Variants in SDE2 observed in about 807,000 individuals in gnomAD.
The protein encoded by SDE2 is spliceosome associated SDE2.
SDE2 carries 31 observed loss-of-function variants against 46.9 expected under a neutral mutation model. That is an observed-to-expected ratio of 0.66 (90% CI 0.50 to 0.89). SDE2 has a LOEUF of 0.89. Ranked by LOEUF, SDE2 falls within the 40% of genes least tolerant of loss-of-function variation. The pLI is 0.00. For synonymous variants in SDE2, 205 were observed against 204.3 expected, an observed-to-expected ratio of 1.00 and a Z score of -0.03; for missense variants, 542 against 564.4, an observed-to-expected ratio of 0.96 and a Z score of 0.40.
chr1:225,999,117 G>A (rs1178582115), intron 1 of SDE2, 76 bp downstream of exon 1: 5 of 1,211,424 alleles, frequency 4.1e-6, no homozygotes, highest in African/African-American at 1.5e-5. Flanking sequence ...CCCCCGCCCC[G>A]GACAGACCTA....
intron 2 of SDE2, among the ~76,000 whole-genome samples, chr1:225,993,567 G>A (rs1028756874): frequency 2.6e-5 from 4 of 151,560 alleles, no homozygotes; most frequent in Admixed American, 2.0e-4. Context: ...AGCTGAGCTC[G>A]TGCCACTGCA....
At position 225,984,518 on chromosome 1, in the gene SDE2, G is replaced by C. The variant is rs1576172248; in HGVS notation, c.*784C>G. On this transcript the variant is annotated 3_prime_UTR_variant, in exon 7 of 7. Transcript: ENST00000272091. ...AAAACCAAAGGTTGGTTCTTTAAAA[G>C]TTATATCGTCGGCCAGGCACGGTGG... The C allele has an allele frequency of 6.6e-6, 1 of 151,908 alleles. No homozygotes were observed. The highest frequency in any genetic ancestry group is 3.4e-3 in the Middle Eastern group (1 of 290). 9.4% of individuals were successfully genotyped at this position (151,908 alleles called of 1,614,324 possible). A position where few individuals can be genotyped will look rare whatever the true frequency, so the allele number is the denominator to read the frequency against.
chr1:225,995,920 A>G (rs1189778872), intron 1 of SDE2, among the ~76,000 whole-genome samples: 1 of 152,186 alleles, frequency 6.6e-6, no homozygotes, highest in Non-Finnish European at 1.5e-5. Flanking sequence ...ATAGCCTAAG[A>G]TGCTGGGCAG....
chr1:225,985,729 A>G (rs1426726553), intron 6 of SDE2, among the ~76,000 whole-genome samples: 1 of 152,188 alleles, frequency 6.6e-6, no homozygotes, highest in Non-Finnish European at 1.5e-5. Flanking sequence ...ATTTAGAAAC[A>G]AGCATTCAGA....
At position 225,999,341 on chromosome 1, in the gene SDE2, T is replaced by A. The variant is rs1359261470; in HGVS notation, c.-29A>T. 3.1e-6 allele frequency: 5 copies of A among 1,595,440 alleles called. No individual in the cohort carries two copies. Among genetic ancestry groups the A allele is most frequent in the South Asian group, 1.1e-5 (1 of 89,496 alleles). ...ACCGACTACCCGAACCTCAAGCCTCTCTGAGACACCAGGCGCCGCAACTCG... is the reference window on the plus strand; with the variant it reads ...ACCGACTACCCGAACCTCAAGCCTCACTGAGACACCAGGCGCCGCAACTCG... On this transcript the variant is annotated 5_prime_UTR_variant, in exon 1 of 7. Transcript: ENST00000272091.
chr1:225,999,115 C>A, intron 1 of SDE2, 78 bp downstream of exon 1: 1 of 1,204,038 alleles, frequency 8.3e-7, no homozygotes, highest in Non-Finnish European at 1.2e-6. Flanking sequence ...TACCCCCGCC[C>A]CGGACAGACC....
intron 1 of SDE2, among the ~76,000 whole-genome samples, chr1:225,997,748 A>G (rs1656561754): frequency 6.6e-6 from 1 of 152,128 alleles, no homozygotes; most frequent in South Asian, 2.1e-4. Flanking sequence ...CTTGCTTCCG[A>G]TTTAAAAATT....
chr1:225,994,808 T>A (rs1656485488), intron 2 of SDE2, among the ~76,000 whole-genome samples: 1 of 152,290 alleles, frequency 6.6e-6, no homozygotes, highest in South Asian at 2.1e-4. Context: ...AAGTGGGAAT[T>A]GTATCACACA....
chr1:225,998,141 G>C (rs114770505), intron 1 of SDE2, among the ~76,000 whole-genome samples: 1 of 151,968 alleles, frequency 6.6e-6, no homozygotes, highest in African/African-American at 2.4e-5. Context: ...GTGGGGGAGG[G>C]GGAGAAAAGA....
chr1:225,996,631 G>A (rs942217650), intron 1 of SDE2, among the ~76,000 whole-genome samples: 1 of 152,158 alleles, frequency 6.6e-6, no homozygotes, highest in Non-Finnish European at 1.5e-5. Flanking sequence ...ACCAGCCTAA[G>A]GCTATCAGAG....
chr1:225,992,842 G>GA (rs1377107286), intron 3 of SDE2, 49 bp downstream of exon 3: 1 of 1,045,574 alleles, frequency 9.6e-7, no homozygotes, highest in Non-Finnish European at 1.5e-6. Context: ...CTACTAATAG[G>GA]AAAGTATATG....
intron 5 of SDE2, 120 bp downstream of exon 5, chr1:225,991,123 G>A (rs1004070480): frequency 2.2e-6 from 2 of 905,886 alleles, no homozygotes; most frequent in African/African-American, 3.3e-5. Flanking sequence ...GAAGCACTCT[G>A]GAAATTTTCT....
In SDE2 at chr1:225,982,898, T is replaced by C. The variant is rs1160806673; in HGVS notation, c.*2404A>G. 1.3e-5 allele frequency: 2 copies of C among 152,192 alleles called. No homozygotes were observed. Among genetic ancestry groups the C allele is most frequent in the Non-Finnish European group, 2.9e-5 (2 of 68,042 alleles). 9.4% of individuals were successfully genotyped at this position (152,192 alleles called of 1,614,324 possible). ...ATACTTACAAGATTTCTACATTTTA[T>C]GTGAAGTGGCACATCAACTCTAGGT... is the stretch of plus-strand genomic sequence containing the variant. On this transcript the variant is annotated 3_prime_UTR_variant, in exon 7 of 7. Transcript: ENST00000272091.
intron 5 of SDE2, among the ~76,000 whole-genome samples, chr1:225,989,293 C>CAAA (rs58512006): frequency 3.1e-5 from 4 of 130,320 alleles, no homozygotes; most frequent in African/African-American, 1.1e-4. Flanking sequence ...AAGACTGTCT[C>CAAA]AAAAAAAAAA....
intron 1 of SDE2, among the ~76,000 whole-genome samples, chr1:225,998,405 C>G (rs549768162): frequency 2.1e-4 from 32 of 152,192 alleles, no homozygotes; most frequent in African/African-American, 6.7e-4. Context: ...AGGAAATAGC[C>G]GAGGAAAGCA....
intron 4 of SDE2, among the ~76,000 whole-genome samples, chr1:225,992,179 TG>T (rs754731724): frequency 6.6e-6 from 1 of 151,924 alleles, no homozygotes; most frequent in Non-Finnish European, 1.5e-5. Context: ...GACTCCGTTT[TG>T]GGGGGAAAAA....
chr1:225,985,775 T>C (rs2102700773), intron 6 of SDE2, among the ~76,000 whole-genome samples: 1 of 152,324 alleles, frequency 6.6e-6, no homozygotes, highest in Non-Finnish European at 1.5e-5. Flanking sequence ...AAACAGATTT[T>C]TAATATTGCT....
chr1:225,998,736 C>T (rs576804846), intron 1 of SDE2, among the ~76,000 whole-genome samples: 32 of 152,298 alleles, frequency 2.1e-4, no homozygotes, highest in Admixed American at 9.8e-4. Context: ...ATCAATTTTC[C>T]TTCCCAATCA....
At chr1:225,989,506 G>A (rs1656346341) in intron 5 of SDE2, among the ~76,000 whole-genome samples, 3 of 151,536 alleles carry the variant, frequency 2.0e-5, no homozygotes, top group South Asian at 4.2e-4. Flanking sequence ...GCACATGGCT[G>A]TAGTTCCAAC....
Sources: allele counts gnomAD v4.1 joint callset (sites outside exome capture counted in the v4.1 genomes callset), GRCh38; gene constraint gnomAD v4.1.1; transcripts MANE v1.5; gene names NCBI Gene and HGNC (gene_info 2026-07-23, HGNC 2026-07-21).